Variants in PLPPR1 observed in about 807,000 individuals in gnomAD.
PLPPR1 encodes phospholipid phosphatase-related protein type 1.
A neutral mutation model predicts 33.1 loss-of-function variants in PLPPR1; 10 were observed. The ratio of observed to expected loss-of-function variants is 0.30; its 90% CI spans 0.19 to 0.51. The LOEUF (loss-of-function observed/expected upper bound fraction) is 0.51. Among genes scored for constraint, PLPPR1 ranks in the 20% least tolerant of loss-of-function variants. The probability of loss-of-function intolerance (pLI) is 0.97; values close to 1 mark genes in which losing one functional copy is unlikely to be tolerated. For synonymous variants in PLPPR1, 151 were observed against 151.0 expected, an observed-to-expected ratio of 1.00 and a Z score of 0.00; for missense variants, 304 against 408.1, an observed-to-expected ratio of 0.74 and a Z score of 2.20.
At chr9:101,315,846 A>T (rs1829041271) in intron 6 of PLPPR1, among the ~76,000 whole-genome samples, 1 of 152,184 alleles carries the variant, frequency 6.6e-6, no homozygotes, top group Non-Finnish European at 1.5e-5. Flanking sequence ...ATGGCAGGAT[A>T]TCTACTGTAA....
At chr9:101,219,715 C>T (rs937225029) in intron 2 of PLPPR1, among the ~76,000 whole-genome samples, 2 of 152,178 alleles carry the variant, frequency 1.3e-5, no homozygotes, top group Admixed American at 1.3e-4. Context: ...TCCATACCCA[C>T]CTGGACAGTA....
Position 101,156,780 on chromosome 9 carries a change from G to A in PLPPR1, c.-45-28670G>A, listed in dbSNP as rs944144120. Among the ~76,000 whole-genome samples, 14 of 152,172 alleles carry A rather than the reference G, an allele frequency of 9.2e-5. 1 individual carries two copies. Among genetic ancestry groups the A allele is most frequent in the Admixed American group, 2.0e-4 (3 of 15,284 alleles). On this transcript the variant is annotated intron_variant, in intron 1 of 7. Coordinates refer to ENST00000374874, the MANE Select transcript of PLPPR1 (RefSeq NM_207299.2). ...GTATGTCAATGGGAAGAGGAGAGGG[G>A]AAGGCTTTCCAGATGGAGGAAATAG...
At chr9:101,292,879 G>T (rs1403633490) in intron 4 of PLPPR1, among the ~76,000 whole-genome samples, 2 of 151,886 alleles carry the variant, frequency 1.3e-5, no homozygotes, top group Non-Finnish European at 2.9e-5. Flanking sequence ...ATCGAGGCTA[G>T]GAAGAAACTG....
intron 2 of PLPPR1, among the ~76,000 whole-genome samples, chr9:101,219,541 T>A (rs539219447): frequency 1.3e-5 from 2 of 152,320 alleles, no homozygotes; most frequent in South Asian, 4.2e-4. Flanking sequence ...TGTATGTGTA[T>A]AATGTTTGAG....
rs147640890 is a variant in PLPPR1 at position 101,053,199 on chromosome 9, A to G, written c.-46+24097A>G. On this transcript the variant is annotated intron_variant, in intron 1 of 7. Transcript: ENST00000374874. ...AATGCCTACGCTTCCCATTTCAGTTAATGGGGCCACCATTATCTAATCACT... is the reference window on the plus strand; with the variant it reads ...AATGCCTACGCTTCCCATTTCAGTTGATGGGGCCACCATTATCTAATCACT... Among the ~76,000 whole-genome samples the G allele has an allele frequency of 3.5e-4, 53 of 152,238 alleles. 1 individual carries two copies. The highest frequency in any genetic ancestry group is 1.3e-3 in the African/African-American group (52 of 41,558).
At chr9:101,188,154 G>A (rs1259428189) in intron 2 of PLPPR1, 1 of 151,996 alleles carries the variant, frequency 6.6e-6, no homozygotes, top group Non-Finnish European at 1.5e-5. Flanking sequence ...GGGACAGTTT[G>A]TTTATGCGTT....
intron 1 of PLPPR1, among the ~76,000 whole-genome samples, chr9:101,045,240 A>G (rs659952): frequency 0.59 from 89,746 of 152,090 alleles, 26,496 homozygotes; most frequent in Non-Finnish European, 0.6. Context: ...CCGAATCACT[A>G]GGAAAATTCA....
chr9:101,088,965 A>G (rs1429127978), intron 1 of PLPPR1, among the ~76,000 whole-genome samples: 1 of 152,192 alleles, frequency 6.6e-6, no homozygotes, highest in Non-Finnish European at 1.5e-5. Context: ...TCAGCTGATG[A>G]AACAAATATC....
At chr9:101,151,554 C>T (rs552932848) in intron 1 of PLPPR1, among the ~76,000 whole-genome samples, 5 of 152,198 alleles carry the variant, frequency 3.3e-5, no homozygotes, top group African/African-American at 1.2e-4. Flanking sequence ...AAGCAATGAG[C>T]TAATTGCCAG....
At chr9:101,313,381 A>G (rs1489814750) in intron 6 of PLPPR1, among the ~76,000 whole-genome samples, 14 of 152,210 alleles carry the variant, frequency 9.2e-5, no homozygotes, top group Admixed American at 8.5e-4. Context: ...GAGCACTGGT[A>G]GAAGCAAGCA....
chr9:101,165,525 G>T (rs949424722), intron 1 of PLPPR1, among the ~76,000 whole-genome samples: 1 of 152,132 alleles, frequency 6.6e-6, no homozygotes, highest in African/African-American at 2.4e-5. Context: ...TTTACAATAG[G>T]ATATTATTTT....
intron 2 of PLPPR1, among the ~76,000 whole-genome samples, chr9:101,252,934 A>AT (rs1329891749): frequency 3.3e-5 from 5 of 152,106 alleles, no homozygotes; most frequent in Non-Finnish European, 7.4e-5. Flanking sequence ...TCATAAAATC[A>AT]TTTTTCATTA....
intron 1 of PLPPR1, among the ~76,000 whole-genome samples, chr9:101,122,449 A>C: frequency 6.6e-6 from 1 of 152,224 alleles, no homozygotes; most frequent in Non-Finnish European, 1.5e-5. Context: ...CTCATTTTCC[A>C]GAAGTGGAAA....
chr9:101,264,472 G>A (rs1029844667), intron 2 of PLPPR1, among the ~76,000 whole-genome samples: 5 of 152,086 alleles, frequency 3.3e-5, no homozygotes, highest in African/African-American at 1.2e-4. Context: ...CAGTTCACCA[G>A]GCACCTGCAG....
intron 1 of PLPPR1, among the ~76,000 whole-genome samples, chr9:101,165,277 T>G (rs994401149): frequency 6.6e-6 from 1 of 152,218 alleles, no homozygotes; most frequent in African/African-American, 2.4e-5. Context: ...TGACATAATG[T>G]TGCCTGTGGT....
chr9:101,220,860 C>T (rs1826918315), intron 2 of PLPPR1, among the ~76,000 whole-genome samples: 1 of 152,184 alleles, frequency 6.6e-6, no homozygotes, highest in Admixed American at 6.5e-5. Context: ...TGGAGCAAGG[C>T]ATAGGGTTAA....
At chr9:101,265,659 TTG>T (rs1193353695) in intron 2 of PLPPR1, among the ~76,000 whole-genome samples, 1 of 152,206 alleles carries the variant, frequency 6.6e-6, no homozygotes, top group Admixed American at 6.5e-5. Context: ...TCAATGTGTG[TTG>T]TTTCTGTTCC....
intron 1 of PLPPR1, among the ~76,000 whole-genome samples, chr9:101,178,299 A>G (rs1826047762): frequency 6.6e-6 from 1 of 152,192 alleles, no homozygotes; most frequent in Non-Finnish European, 1.5e-5. Context: ...GCCACTGCTG[A>G]GTGCCCAATT....
intron 1 of PLPPR1, among the ~76,000 whole-genome samples, chr9:101,063,706 T>TG (rs1317094507): frequency 6.6e-6 from 1 of 152,050 alleles, no homozygotes; most frequent in Admixed American, 6.6e-5. Flanking sequence ...GCCCTTAACT[T>TG]GTCTGGTCAT....
Sources: gnomAD v4.1 joint callset for allele counts (sites outside exome capture counted in the v4.1 genomes callset) on GRCh38, gnomAD v4.1.1 for gene constraint, MANE v1.5 for transcripts, NCBI Gene and HGNC (gene_info 2026-07-23, HGNC 2026-07-21) for gene names.